The following STXBP5 variants were observed in gnomAD, a reference collection of about 807,000 sequenced individuals.
The protein encoded by STXBP5 is syntaxin-binding protein 5.
In STXBP5, 50 loss-of-function variants were observed where a neutral mutation model predicts 152.4. That is an observed-to-expected ratio of 0.33 (90% CI 0.26 to 0.42). STXBP5 has a LOEUF of 0.42. Ranked by LOEUF, STXBP5 falls within the 10% of genes least tolerant of loss-of-function variation. The probability of loss-of-function intolerance (pLI) is 1.00; values close to 1 mark genes in which losing one functional copy is unlikely to be tolerated. For missense variants in STXBP5, 1,167 were observed against 1,388.6 expected (o/e 0.84, Z 2.54); for synonymous variants, 492 against 494.7 (o/e 0.99, Z 0.07).
intron 9 of STXBP5, among the ~76,000 whole-genome samples, chr6:147,301,169 GA>G (rs1449344270): frequency 1.3e-5 from 2 of 152,054 alleles, no homozygotes; most frequent in Non-Finnish European, 2.9e-5. Flanking sequence ...AGTATATGGA[GA>G]AAAGGGAACC....
At chr6:147,271,957 CAG>C (rs1780193991) in intron 7 of STXBP5, among the ~76,000 whole-genome samples, 1 of 151,984 alleles carries the variant, frequency 6.6e-6, no homozygotes, top group African/African-American at 2.4e-5. Context: ...TACAGAAATA[CAG>C]AGGGGCTGAT....
intron 26 of STXBP5, among the ~76,000 whole-genome samples, chr6:147,378,409 TA>T (rs34601059): frequency 0.44 from 60,000 of 136,024 alleles, 12,649 homozygotes; most frequent in Non-Finnish European, 0.48. Context: ...GATTTATCAT[TA>T]AAAAAAAAAA....
chr6:147,249,098 A>C (rs1337513162), intron 4 of STXBP5, among the ~76,000 whole-genome samples: 2 of 152,194 alleles, frequency 1.3e-5, no homozygotes, highest in Admixed American at 1.3e-4. Context: ...ACTTCCAGAA[A>C]GGGAGGCAGG....
intron 18 of STXBP5, 67 bp downstream of exon 18, chr6:147,327,343 A>T: frequency 6.5e-7 from 1 of 1,539,188 alleles, no homozygotes; most frequent in Non-Finnish European, 8.7e-7. Flanking sequence ...ACTTTTGTGA[A>T]TATAAGTATT....
chr6:147,208,469 G>A (rs1776682546), intron 2 of STXBP5, among the ~76,000 whole-genome samples: 1 of 152,032 alleles, frequency 6.6e-6, no homozygotes, highest in South Asian at 2.1e-4. Context: ...CTCCACATTT[G>A]GTTAACGTGC....
intron 19 of STXBP5, among the ~76,000 whole-genome samples, chr6:147,338,889 T>A (rs1783962451): frequency 6.6e-6 from 1 of 151,616 alleles, no homozygotes; most frequent in African/African-American, 2.4e-5. Context: ...TATTTATAGT[T>A]TTTTTTAATA....
At chr6:147,331,826 A>C (rs200314383) in intron 18 of STXBP5, among the ~76,000 whole-genome samples, 7,359 of 149,180 alleles carry the variant, frequency 0.049, 504 homozygotes, top group East Asian at 0.25. Flanking sequence ...AAAAAAAAAA[A>C]ACACACAAAA....
chr6:147,297,400 G>A (rs533802060), intron 9 of STXBP5, among the ~76,000 whole-genome samples: 1 of 152,078 alleles, frequency 6.6e-6, no homozygotes, highest in African/African-American at 2.4e-5. Context: ...CCCAGACAAG[G>A]AAAAGCTGAG....
At chr6:147,381,011 A>G (rs9390463) in intron 26 of STXBP5, among the ~76,000 whole-genome samples, 63,612 of 151,998 alleles carry the variant, frequency 0.42, 14,145 homozygotes, top group Non-Finnish European at 0.49. Flanking sequence ...CACATCTTAC[A>G]TGGCAGCAGG....
At chr6:147,240,101 C>T (rs1778466580) in intron 4 of STXBP5, among the ~76,000 whole-genome samples, 2 of 152,072 alleles carry the variant, frequency 1.3e-5, no homozygotes, top group Admixed American at 1.3e-4. Flanking sequence ...ACCACAACAC[C>T]TGGCTAATTT....
At chr6:147,335,626 A>C (rs1462675939) in intron 19 of STXBP5, among the ~76,000 whole-genome samples, 3 of 152,146 alleles carry the variant, frequency 2.0e-5, no homozygotes, top group Non-Finnish European at 4.4e-5. Flanking sequence ...GTATATATTT[A>C]AATCTAAGTA....
chr6:147,325,777 T>A (rs1209437556), intron 17 of STXBP5, among the ~76,000 whole-genome samples: 1 of 152,178 alleles, frequency 6.6e-6, no homozygotes, highest in Non-Finnish European at 1.5e-5. Context: ...TTCATTTTTT[T>A]TCTTGCTGGT....
chr6:147,303,033 T>C (rs188407844), intron 9 of STXBP5, among the ~76,000 whole-genome samples: 27 of 152,318 alleles, frequency 1.8e-4, no homozygotes, highest in Non-Finnish European at 3.2e-4. Context: ...TTTCCGTGGC[T>C]CTCGACAAAT....
intron 26 of STXBP5, among the ~76,000 whole-genome samples, chr6:147,376,875 A>G (rs1392429339): frequency 6.6e-6 from 1 of 152,144 alleles, no homozygotes; most frequent in African/African-American, 2.4e-5. Context: ...CATATATAAA[A>G]CATAAGGACA....
chr6:147,221,659 G>GT lies in STXBP5; in HGVS notation c.249-13584dup, dbSNP rs35763375. Among the ~76,000 whole-genome samples, 1,096 of 150,170 alleles carry GT rather than the reference G, an allele frequency of 7.3e-3. 12 individuals are homozygous for GT. Among genetic ancestry groups the GT allele is most frequent in the African/African-American group, 0.026 (1,053 of 40,930 alleles). ...ATCTTTGCACCTCTGTTGGTAAGGGGTTTTTTTCCAATGGCTTCTTTCAAG... is the reference window on the plus strand; with the variant it reads ...ATCTTTGCACCTCTGTTGGTAAGGGGTTTTTTTTCCAATGGCTTCTTTCAAG... On this transcript the variant is annotated intron_variant, in intron 2 of 27. Coordinates refer to ENST00000321680, the MANE Select transcript of STXBP5 (RefSeq NM_001127715.4).
intron 24 of STXBP5, 143 bp downstream of exon 24, chr6:147,363,847 A>G (rs1785176460): frequency 1.4e-6 from 2 of 1,384,662 alleles, no homozygotes; most frequent in African/African-American, 1.5e-5. Context: ...ATAGTGAACA[A>G]GTATATGAGG....
intron 6 of STXBP5, among the ~76,000 whole-genome samples, chr6:147,265,826 G>T (rs1291211730): frequency 6.6e-6 from 1 of 151,842 alleles, no homozygotes; most frequent in Admixed American, 6.6e-5. Context: ...ACTAATCCTT[G>T]CCCCGATATC....
At chr6:147,362,707 C>A (rs1368081200) in intron 23 of STXBP5, among the ~76,000 whole-genome samples, 1 of 152,042 alleles carries the variant, frequency 6.6e-6, no homozygotes, top group Non-Finnish European at 1.5e-5. Flanking sequence ...CTAGCAGTCA[C>A]ATTAAAAAAG....
rs372597731 is a variant in STXBP5 at position 147,326,127 on chromosome 6, T to C, written c.1929-998T>C. Among the ~76,000 whole-genome samples the C allele has an allele frequency of 2.6e-4, 39 of 152,268 alleles. No individual in the cohort carries two copies. The South Asian group carries it at 7.3e-3, about 28-fold the overall frequency. ...GAAGAAACCAAGGGACAACTGTACA[T>C]CAAACTAACACTGGCTACAGTCTGA... On this transcript the variant is annotated intron_variant, in intron 17 of 27. Coordinates refer to ENST00000321680, the MANE Select transcript of STXBP5 (RefSeq NM_001127715.4).
Sources: gnomAD v4.1 joint callset for allele counts (sites outside exome capture counted in the v4.1 genomes callset) on GRCh38, gnomAD v4.1.1 for gene constraint, MANE v1.5 for transcripts, NCBI Gene and HGNC (gene_info 2026-07-23, HGNC 2026-07-21) for gene names.